Variants in HEPHL1 observed in about 807,000 individuals in gnomAD.
HEPHL1 encodes the protein ferroxidase HEPHL1.
A neutral mutation model predicts 122.0 loss-of-function variants in HEPHL1; 123 were observed. The observed-to-expected ratio is 1.01, with a 90% CI of 0.87 to 1.17. The LOEUF (loss-of-function observed/expected upper bound fraction) is 1.17, where lower values mean the gene tolerates loss of function less well. Ranked by LOEUF, HEPHL1 falls within the 50% of genes most tolerant of loss-of-function variation. The probability of loss-of-function intolerance (pLI) is 0.00; values close to 1 mark genes in which losing one functional copy is unlikely to be tolerated. For synonymous variants in HEPHL1, 527 were observed against 508.9 expected (o/e 1.04, Z -0.48); for missense variants, 1,452 against 1,430.5 (o/e 1.01, Z -0.24).
intron 1 of HEPHL1, among the ~76,000 whole-genome samples, chr11:94,022,272 C>T (rs993555062): frequency 6.6e-6 from 1 of 152,192 alleles, no homozygotes; most frequent in Non-Finnish European, 1.5e-5. Context: ...ATGGATCTCC[C>T]TCTGAAGTCA....
chr11:94,085,983 A>G lies in HEPHL1; in HGVS notation c.1874A>G (p.Asn625Ser). 1 of 1,613,242 alleles carries G rather than the reference A, an allele frequency of 6.2e-7. No individual in the cohort carries two copies. Among genetic ancestry groups the G allele is most frequent in the South Asian group, 1.1e-5 (1 of 91,038 alleles). The change falls in exon 11 of 20, where the codon AAC becomes AGC. Residue 625 changes from asparagine (N) to serine (S), a missense_variant. By Grantham distance (46) the Asn-to-Ser change is conservative. Transcript: ENST00000315765. ...FVKSNRMHAV[N>S]GYMYGNQPGL... ...TCTTTCTTCTTCCATTTAGCTGTTA[A>G]CGGCTACATGTATGGCAACCAGCCA...
intron 2 of HEPHL1, among the ~76,000 whole-genome samples, chr11:94,062,050 T>C (rs1462829090): frequency 6.6e-6 from 1 of 152,132 alleles, no homozygotes; most frequent in East Asian, 1.9e-4. Context: ...TAACTAATTA[T>C]GTAGCATATA....
intron 1 of HEPHL1, among the ~76,000 whole-genome samples, chr11:94,029,185 A>C (rs1945651931): frequency 6.6e-6 from 1 of 152,148 alleles, no homozygotes; most frequent in Non-Finnish European, 1.5e-5. Context: ...GTATCTTCCT[A>C]GGGCACCTTC....
intron 2 of HEPHL1, among the ~76,000 whole-genome samples, chr11:94,058,591 C>T (rs1945959606): frequency 6.6e-6 from 1 of 152,140 alleles, no homozygotes; most frequent in African/African-American, 2.4e-5. Flanking sequence ...ATGCTAATGC[C>T]TGAGCCAGAC....
intron 4 of HEPHL1, among the ~76,000 whole-genome samples, chr11:94,065,441 A>G (rs1404870169): frequency 6.6e-6 from 1 of 152,242 alleles, no homozygotes; most frequent in Non-Finnish European, 1.5e-5. Context: ...GAAGTCCCAT[A>G]GCAAATAAAT....
chr11:94,053,626 G>A (rs1172874271), intron 2 of HEPHL1, among the ~76,000 whole-genome samples: 2 of 151,862 alleles, frequency 1.3e-5, no homozygotes, highest in Admixed American at 6.6e-5. Flanking sequence ...GGCTTTACCT[G>A]TATCTCATAA....
At chr11:94,031,841 C>A (rs1392721300) in intron 1 of HEPHL1, among the ~76,000 whole-genome samples, 2 of 152,206 alleles carry the variant, frequency 1.3e-5, no homozygotes, top group Non-Finnish European at 2.9e-5. Flanking sequence ...ATGCTCTGGG[C>A]AGATAAATAG....
At chr11:94,096,176 T>C (rs1417064211) in intron 13 of HEPHL1, among the ~76,000 whole-genome samples, 1 of 152,226 alleles carries the variant, frequency 6.6e-6, no homozygotes, top group African/African-American at 2.4e-5. Context: ...TAGCTCTTAT[T>C]ATTTTGAGAT....
rs374945216 is a variant in HEPHL1 at position 94,094,992 on chromosome 11, T to G, written c.2434+1352T>G. On this transcript the variant is annotated intron_variant, in intron 13 of 19. Transcript: ENST00000315765. Reference sequence around the variant, plus strand: ...TTTCTTTTGCTGTGCAGGAGCTCTTTAGTTTAATTAGATACGATTTGTCAA... The same window carrying G: ...TTTCTTTTGCTGTGCAGGAGCTCTTGAGTTTAATTAGATACGATTTGTCAA... 9.2e-5 allele frequency among the ~76,000 whole-genome samples: 14 copies of G among 152,348 alleles called. No individual in the cohort carries two copies. In the East Asian group the frequency reaches 2.5e-3, roughly 27 times the overall value.
In HEPHL1 at chr11:94,067,872, T is replaced by C. The variant is rs531344932; in HGVS notation, c.1063+122T>C. 5.3e-5 allele frequency: 40 copies of C among 761,216 alleles called. No individual in the cohort carries two copies. In the African/African-American group the frequency reaches 6.5e-4, roughly 12 times the overall value. The allele number at this position is 761,216 out of a possible 1,614,324, so 47.2% of individuals were successfully genotyped here. A position where few individuals can be genotyped will look rare whatever the true frequency, so the allele number is the denominator to read the frequency against. ...CTTGTATGTACTATATTTAATTAGG[T>C]AATAAATATACAGGAAAATATAACG... On this transcript the variant is annotated intron_variant, in intron 5 of 19. Transcript: ENST00000315765.
intron 6 of HEPHL1, 119 bp downstream of exon 6, chr11:94,070,661 C>A: frequency 1.3e-6 from 1 of 758,824 alleles, no homozygotes; most frequent in Non-Finnish European, 2.1e-6. Flanking sequence ...GCATAGATGG[C>A]ATAATGTAGC....
chr11:94,109,048 T>C (rs1407582124), intron 17 of HEPHL1, among the ~76,000 whole-genome samples: 1 of 152,164 alleles, frequency 6.6e-6, no homozygotes, highest in Non-Finnish European at 1.5e-5. Context: ...CAGCATTTTG[T>C]AGTTTTCAAT....
At chr11:94,048,103 G>A (rs1383533591) in intron 2 of HEPHL1, among the ~76,000 whole-genome samples, 1 of 151,920 alleles carries the variant, frequency 6.6e-6, no homozygotes, top group Non-Finnish European at 1.5e-5. Context: ...TTTGTGTCTG[G>A]CTTATTTCAC....
At chr11:94,051,898 C>T (rs113397537) in intron 2 of HEPHL1, among the ~76,000 whole-genome samples, 3,119 of 152,194 alleles carry the variant, frequency 0.02, 111 homozygotes, top group African/African-American at 0.07. Context: ...AAGAGACTGT[C>T]TTTTCCCCAG....
intron 13 of HEPHL1, among the ~76,000 whole-genome samples, chr11:94,097,968 C>T (rs1169915573): frequency 6.6e-6 from 1 of 152,050 alleles, no homozygotes; most frequent in Non-Finnish European, 1.5e-5. Flanking sequence ...ACTCTTTATC[C>T]AATTTGCCAG....
intron 1 of HEPHL1, among the ~76,000 whole-genome samples, chr11:94,034,018 G>A (rs1945700112): frequency 6.6e-6 from 1 of 152,202 alleles, no homozygotes; most frequent in South Asian, 2.1e-4. Flanking sequence ...AAAAGAATGT[G>A]CTGAAGTCTT....
intron 6 of HEPHL1, among the ~76,000 whole-genome samples, chr11:94,070,983 T>C (rs901849797): frequency 6.6e-6 from 1 of 152,160 alleles, no homozygotes; most frequent in Non-Finnish European, 1.5e-5. Flanking sequence ...TTGTGTCCCC[T>C]TTATGTCCTA....
intron 1 of HEPHL1, among the ~76,000 whole-genome samples, chr11:94,035,445 C>T (rs1192435523): frequency 2.0e-5 from 3 of 152,228 alleles, no homozygotes; most frequent in African/African-American, 7.2e-5. Flanking sequence ...TTACCCAAGA[C>T]TGAAACAGAG....
chr11:94,093,355 T>C (rs1591485368), intron 12 of HEPHL1, 146 bp from the exon 13 acceptor site: 1 of 832,904 alleles, frequency 1.2e-6, no homozygotes, highest in South Asian at 1.5e-5. Context: ...CCAGAAAGTA[T>C]GGTGCAAAAG....
Sources: allele counts gnomAD v4.1 joint callset (sites outside exome capture counted in the v4.1 genomes callset), GRCh38; gene constraint gnomAD v4.1.1; transcripts MANE v1.5; gene names NCBI Gene and HGNC (gene_info 2026-07-23, HGNC 2026-07-21).